KCND2: variants seen among roughly 807,000 people sequenced by gnomAD.
The protein encoded by KCND2 is A-type voltage-gated potassium channel KCND2.
In KCND2, 16 loss-of-function variants were observed where a neutral mutation model predicts 54.4. The observed-to-expected ratio is 0.29, with a 90% CI of 0.20 to 0.45. The LOEUF is 0.45. KCND2 is among the 20% of genes least tolerant of loss of function. The pLI is 1.00. For missense variants in KCND2, 486 were observed against 824.2 expected, an observed-to-expected ratio of 0.59 and a Z score of 5.02; for synonymous variants, 317 against 310.7, an observed-to-expected ratio of 1.02 and a Z score of -0.21.
At chr7:120,659,269 C>G (rs1791838841) in intron 1 of KCND2, among the ~76,000 whole-genome samples, 1 of 151,936 alleles carries the variant, frequency 6.6e-6, no homozygotes, top group South Asian at 2.1e-4. Context: ...TTGGATTCTA[C>G]TTCTAAGATG....
At chr7:120,555,296 A>G (rs1375857907) in intron 1 of KCND2, among the ~76,000 whole-genome samples, 5 of 152,142 alleles carry the variant, frequency 3.3e-5, no homozygotes, top group African/African-American at 4.8e-5. Context: ...ATCTGGGGAG[A>G]CAAACATATT....
At chr7:120,463,888 A>T (rs1384979449) in intron 1 of KCND2, among the ~76,000 whole-genome samples, 1 of 141,752 alleles carries the variant, frequency 7.1e-6, no homozygotes, top group Non-Finnish European at 1.5e-5. Flanking sequence ...TAGATAGAAG[A>T]TAGATAGATG....
intron 1 of KCND2, among the ~76,000 whole-genome samples, chr7:120,699,408 C>T (rs1792373103): frequency 6.6e-6 from 1 of 152,164 alleles, no homozygotes; most frequent in South Asian, 2.1e-4. Flanking sequence ...GTATGAGTCA[C>T]TGTGGTAGGA....
intron 1 of KCND2, among the ~76,000 whole-genome samples, chr7:120,507,421 GTAAAGAC>G (rs992679035): frequency 5.3e-5 from 8 of 151,860 alleles, no homozygotes; most frequent in African/African-American, 1.9e-4. Context: ...GGCTACATGG[GTAAAGAC>G]TACCTCTTTC....
chr7:120,420,322 T>G (rs1446638305), intron 1 of KCND2, among the ~76,000 whole-genome samples: 1 of 152,132 alleles, frequency 6.6e-6, no homozygotes, highest in Non-Finnish European at 1.5e-5. Context: ...AGCCACAAAT[T>G]TATAAAGAAA....
At chr7:120,602,867 A>G (rs1792832551) in intron 1 of KCND2, among the ~76,000 whole-genome samples, 1 of 152,220 alleles carries the variant, frequency 6.6e-6, no homozygotes, top group South Asian at 2.1e-4. Flanking sequence ...AGTTCGTGAG[A>G]GTAAATGTTT....
At chr7:120,680,523 T>C (rs1290221889) in intron 1 of KCND2, among the ~76,000 whole-genome samples, 1 of 152,214 alleles carries the variant, frequency 6.6e-6, no homozygotes, top group East Asian at 1.9e-4. Flanking sequence ...CAGGATAACA[T>C]ATGCTAATGC....
intron 1 of KCND2, among the ~76,000 whole-genome samples, chr7:120,466,510 C>T (rs1315427105): frequency 6.6e-6 from 1 of 152,190 alleles, no homozygotes. Context: ...TCCTGGATCC[C>T]AGCCTTTCTT....
At chr7:120,625,147 GTAGGCCTCATAAGTGA>G (rs1793149770) in intron 1 of KCND2, among the ~76,000 whole-genome samples, 1 of 152,150 alleles carries the variant, frequency 6.6e-6, no homozygotes, top group African/African-American at 2.4e-5. Context: ...TAACCGAGGA[GTAGGCCTCATAAGTGA>G]TGTCTAAGAT....
chr7:120,629,404 T>A (rs1024750769), intron 1 of KCND2, among the ~76,000 whole-genome samples: 32 of 151,900 alleles, frequency 2.1e-4, no homozygotes, highest in African/African-American at 7.5e-4. Flanking sequence ...GAGAATGGCG[T>A]GAACCCGGGA....
chr7:120,611,709 T>C (rs1411206303), intron 1 of KCND2, among the ~76,000 whole-genome samples: 1 of 152,182 alleles, frequency 6.6e-6, no homozygotes, highest in Non-Finnish European at 1.5e-5. Flanking sequence ...AAAAATGGAC[T>C]TCATTCCAAG....
At chr7:120,656,596 G>T (rs1416463475) in intron 1 of KCND2, among the ~76,000 whole-genome samples, 1 of 152,258 alleles carries the variant, frequency 6.6e-6, no homozygotes, top group African/African-American at 2.4e-5. Context: ...TATACAATGT[G>T]GAAAACCTGT....
intron 1 of KCND2, among the ~76,000 whole-genome samples, chr7:120,586,637 T>G (rs1459785583): frequency 6.6e-6 from 1 of 152,186 alleles, no homozygotes; most frequent in Non-Finnish European, 1.5e-5. Context: ...CAAAGACACT[T>G]TATTAGTGAT....
chr7:120,610,774 T>C (rs1183350716), intron 1 of KCND2, among the ~76,000 whole-genome samples: 1 of 152,170 alleles, frequency 6.6e-6, no homozygotes, highest in Non-Finnish European at 1.5e-5. Context: ...TTCTCTCTTT[T>C]TAAAAAGTGC....
intron 1 of KCND2, among the ~76,000 whole-genome samples, chr7:120,688,445 T>G (rs1792230864): frequency 6.6e-6 from 1 of 152,114 alleles, no homozygotes; most frequent in Non-Finnish European, 1.5e-5. Context: ...TCCTTCTTAG[T>G]TTTCAAGTGA....
chr7:120,740,965 A>T, intron 2 of KCND2: 1 of 447,344 alleles, frequency 2.2e-6, no homozygotes, highest in Non-Finnish European at 4.5e-6. Context: ...TTGGCATGGG[A>T]TCTACCTAGG....
At position 120,277,767 on chromosome 7, in the gene KCND2, A is replaced by T. The variant is rs111309850; in HGVS notation, c.1115+2020A>T. Among the ~76,000 whole-genome samples, 213 of 152,158 alleles carry T rather than the reference A, an allele frequency of 1.4e-3. 1 individual carries two copies. The highest frequency in any genetic ancestry group is 4.8e-3 in the African/African-American group (200 of 41,572). ...AGGAAAATATGAGACAACATTAAAC[A>T]TTAGTGACAATTTTTTATTATGTAA... On this transcript the variant is annotated intron_variant, in intron 1 of 5. Coordinates refer to ENST00000331113, the MANE Select transcript of KCND2 (RefSeq NM_012281.3).
intron 1 of KCND2, among the ~76,000 whole-genome samples, chr7:120,391,270 G>T (rs1248933318): frequency 6.6e-6 from 1 of 152,030 alleles, no homozygotes; most frequent in Non-Finnish European, 1.5e-5. Flanking sequence ...TGGCTGCACA[G>T]ATTCCTTGGT....
intron 1 of KCND2, among the ~76,000 whole-genome samples, chr7:120,364,797 A>G (rs1800643516): frequency 6.6e-6 from 1 of 152,028 alleles, no homozygotes; most frequent in Admixed American, 6.6e-5. Flanking sequence ...ATCAAAGATG[A>G]TCAGATATTG....
Sources: gnomAD v4.1 joint callset for allele counts (sites outside exome capture counted in the v4.1 genomes callset) on GRCh38, gnomAD v4.1.1 for gene constraint, MANE v1.5 for transcripts, NCBI Gene and HGNC (gene_info 2026-07-23, HGNC 2026-07-21) for gene names.